Variants in FGD4 observed in about 807,000 individuals in gnomAD.
FGD4 encodes the protein FYVE, RhoGEF and PH domain containing 4, also known as FYVE, RhoGEF and PH domain-containing protein 4.
In FGD4, 42 loss-of-function variants were observed where a neutral mutation model predicts 102.0. That is an observed-to-expected ratio of 0.41 (90% confidence interval 0.32 to 0.53). FGD4 has a LOEUF of 0.53. FGD4 is among the 20% of genes least tolerant of loss of function. FGD4 has a pLI of 0.21. For missense variants in FGD4, 902 were observed against 1,078.2 expected (o/e 0.84, Z 2.29); for synonymous variants, 380 against 375.7 (o/e 1.01, Z -0.13).
At chr12:32,558,411 G>T (rs1237651057) in intron 1 of FGD4, among the ~76,000 whole-genome samples, 9 of 152,214 alleles carry the variant, frequency 5.9e-5, no homozygotes, top group Admixed American at 5.9e-4. Context: ...TAGAGACCCA[G>T]TGCATGGATG....
intron 1 of FGD4, among the ~76,000 whole-genome samples, chr12:32,455,916 C>T (rs1349983115): frequency 6.6e-6 from 1 of 152,052 alleles, no homozygotes; most frequent in East Asian, 1.9e-4. Context: ...ACTTAAAAAG[C>T]AAAAGGAATT....
intron 1 of FGD4, among the ~76,000 whole-genome samples, chr12:32,441,856 G>A (rs1307765036): frequency 2.0e-5 from 3 of 152,022 alleles, no homozygotes; most frequent in African/African-American, 7.2e-5. Context: ...TGGTTTAAAC[G>A]CTCCCTCTGT....
rs749404822 is a variant in FGD4 at position 32,638,743 on chromosome 12, G to C, written c.2402G>C (p.Cys801Ser). The C allele has an allele frequency of 3.1e-6, 5 of 1,614,072 alleles. No individual in the cohort carries two copies. Among genetic ancestry groups the C allele is most frequent in the Non-Finnish European group, 3.4e-6 (4 of 1,180,034 alleles). The part of the protein sequence containing the change: ...EKSKPWQKAW[C>S]VIPKQDPLVL... The stretch of plus-strand genomic sequence containing the variant: ...TCAAAACCTTGGCAGAAAGCTTGGT[G>C]TGTGATCCCCAAGCAAGACCCTCTT... The change falls in exon 16 of 17, where the codon TGT becomes TCT. Residue 801 changes from cysteine to serine, a missense_variant. Physicochemically the swap from Cys to Ser is moderately radical, Grantham distance 112. Around this residue, in one of 2 missense-constraint regions of FGD4, gnomAD observed 459 missense variants for 619.0 expected, o/e 0.74. Coordinates refer to ENST00000534526, the MANE Select transcript of FGD4 (RefSeq NM_001370298.3).
At chr12:32,628,312 CAG>C (rs1950295109) in intron 14 of FGD4, among the ~76,000 whole-genome samples, 1 of 151,534 alleles carries the variant, frequency 6.6e-6, no homozygotes, top group African/African-American at 2.4e-5. Context: ...AGAAAAGAGT[CAG>C]GGAATACAAG....
At chr12:32,639,646 TTA>T (rs1473568771) in intron 16 of FGD4, among the ~76,000 whole-genome samples, 2 of 152,188 alleles carry the variant, frequency 1.3e-5, no homozygotes, top group Non-Finnish European at 2.9e-5. Flanking sequence ...GGTTTAGCTT[TTA>T]ACAAGAGCAG....
chr12:32,588,233 A>T (rs1288296149), intron 4 of FGD4, among the ~76,000 whole-genome samples: 1 of 152,228 alleles, frequency 6.6e-6, no homozygotes, highest in Non-Finnish European at 1.5e-5. Context: ...ACTAGTATAT[A>T]ACTTGGTGAA....
chr12:32,500,392 T>TTTTTTTTTATTTTA (rs1555189363), intron 1 of FGD4, among the ~76,000 whole-genome samples: 1 of 135,274 alleles, frequency 7.4e-6, no homozygotes, highest in African/African-American at 2.8e-5. Context: ...TTTTATTTTA[T>TTTTTTTTTATTTTA]TTTTATTTTA....
chr12:32,407,459 T>A (rs1940994042), intron 1 of FGD4, among the ~76,000 whole-genome samples: 2 of 152,196 alleles, frequency 1.3e-5, no homozygotes, highest in Non-Finnish European at 2.9e-5. Flanking sequence ...GCCCAGACGA[T>A]CCTGATGTAC....
At chr12:32,601,985 CG>C (rs1204854311) in intron 6 of FGD4, among the ~76,000 whole-genome samples, 175 bp from the exon 7 acceptor site, 2 of 152,104 alleles carry the variant, frequency 1.3e-5, no homozygotes. Flanking sequence ...CGTGGTGGCG[CG>C]TGCCTGTAGT....
chr12:32,640,543 G>A lies in FGD4; in HGVS notation c.*10G>A, dbSNP rs1391504751. ...AAAATCAGAATGCTGAACTCCTCCA[G>A]GACCAGCCATGGTGTGGAGGTCTCA... is the stretch of plus-strand genomic sequence containing the variant. On this transcript the variant is annotated 3_prime_UTR_variant, in exon 17 of 17. Transcript: ENST00000534526. 6.2e-7 allele frequency: 1 copy of A among 1,613,376 alleles called. No individual in the cohort carries two copies.
chr12:32,460,185 C>T (rs1316665871), intron 1 of FGD4, among the ~76,000 whole-genome samples: 1 of 152,092 alleles, frequency 6.6e-6, no homozygotes, highest in Non-Finnish European at 1.5e-5. Flanking sequence ...TTTAAAACTA[C>T]TTTTCATTTT....
intron 7 of FGD4, among the ~76,000 whole-genome samples, chr12:32,605,081 G>C (rs1365725809): frequency 6.6e-6 from 1 of 151,676 alleles, no homozygotes; most frequent in Non-Finnish European, 1.5e-5. Context: ...TGGGATTACA[G>C]GTACATGCCA....
Position 32,619,750 on chromosome 12 carries a change from A to G in FGD4, c.1802A>G (p.Lys601Arg). 2 of 1,614,036 alleles carry G rather than the reference A, an allele frequency of 1.2e-6. No individual in the cohort carries two copies. The highest frequency in any genetic ancestry group is 1.3e-5 in the African/African-American group (1 of 74,908). The change falls in exon 11 of 17, where the codon AAA becomes AGA. Residue 601 changes from lysine to arginine, a missense_variant. By Grantham distance (26) the Lys-to-Arg change is conservative. Coordinates refer to ENST00000534526, the MANE Select transcript of FGD4 (RefSeq NM_001370298.3). ...CVPKFSLVGS[K>R]FTVRTRVGID... The stretch of plus-strand genomic sequence containing the variant: ...CCCAAATTCAGCTTGGTAGGCTCTA[A>G]ATTCACAGTTCGAACCAGGGTTGGC...
intron 1 of FGD4, among the ~76,000 whole-genome samples, chr12:32,552,512 C>T (rs1217290494): frequency 6.8e-6 from 1 of 147,128 alleles, no homozygotes; most frequent in Non-Finnish European, 1.5e-5. Context: ...GAACTCCTGA[C>T]CTCAGGTGAT....
At chr12:32,400,856 T>C (rs1319423964) in intron 1 of FGD4, among the ~76,000 whole-genome samples, 1 of 143,248 alleles carries the variant, frequency 7.0e-6, no homozygotes, top group Non-Finnish European at 1.5e-5. Context: ...AATATGACGA[T>C]TTAAATATGA....
chr12:32,534,944 T>A (rs1393248533), intron 1 of FGD4, among the ~76,000 whole-genome samples: 1 of 152,210 alleles, frequency 6.6e-6, no homozygotes, highest in East Asian at 1.9e-4. Context: ...ATCCCAGTCT[T>A]GTTTTGGTGA....
intron 1 of FGD4, among the ~76,000 whole-genome samples, chr12:32,440,874 C>G (rs558396575): frequency 6.6e-6 from 1 of 152,218 alleles, no homozygotes; most frequent in East Asian, 1.9e-4. Flanking sequence ...TGCAGTCCTT[C>G]CTACTCTTCC....
chr12:32,495,052 AAC>A (rs767906187), intron 1 of FGD4, among the ~76,000 whole-genome samples: 1 of 152,174 alleles, frequency 6.6e-6, no homozygotes, highest in Non-Finnish European at 1.5e-5. Context: ...TCACAGAATT[AAC>A]AGTTGCCCCC....
rs969579366 is a variant in FGD4 at position 32,640,383 on chromosome 12, G to T, written c.2562G>T (p.Val854=). 6.2e-7 allele frequency: 1 copy of T among 1,614,100 alleles called. No homozygotes were observed. The highest frequency in any genetic ancestry group is 8.5e-7 in the Non-Finnish European group (1 of 1,180,048). Residue 854 remains valine (V), a synonymous_variant, in exon 17 of 17, where the codon GTG becomes GTT. Coordinates refer to ENST00000534526, the MANE Select transcript of FGD4 (RefSeq NM_001370298.3). ...TCAAACTGACCCAGTCTAAGTCCGT[G>T]CACAGCTTTGCTGCAGACAGTGAGG... The part of the protein sequence containing the change: ...HSFKLTQSKS[V]HSFAADSEEL...
Sources: allele counts gnomAD v4.1 joint callset (sites outside exome capture counted in the v4.1 genomes callset), GRCh38; gene constraint gnomAD v4.1.1; regional missense constraint gnomAD v4.1.1; transcripts MANE v1.5; gene names NCBI Gene and HGNC (gene_info 2026-07-23, HGNC 2026-07-21).